MRPS23: variants seen among roughly 807,000 people sequenced by gnomAD.
MRPS23 encodes small ribosomal subunit protein mS23.
In MRPS23, 14 loss-of-function variants were observed where a neutral mutation model predicts 19.8. That is an observed-to-expected ratio of 0.71 (90% CI 0.47 to 1.11). The LOEUF is 1.11. Ranked by LOEUF, MRPS23 falls within the 50% of genes least tolerant of loss-of-function variation. The pLI is 0.00. For synonymous variants in MRPS23, 113 were observed against 89.7 expected, an observed-to-expected ratio of 1.26 and a Z score of -1.47; for missense variants, 242 against 236.7, an observed-to-expected ratio of 1.02 and a Z score of -0.15.
intron 1 of MRPS23, among the ~76,000 whole-genome samples, chr17:57,849,677 T>C (rs1436559678): frequency 6.6e-6 from 1 of 152,192 alleles, no homozygotes; most frequent in Non-Finnish European, 1.5e-5. Flanking sequence ...TTGCATGACC[T>C]GATAAGGAAG....
At chr17:57,840,031 G>T in intron 4 of MRPS23, 96 bp from the exon 5 acceptor site, 1 of 1,409,180 alleles carries the variant, frequency 7.1e-7, no homozygotes, top group Non-Finnish European at 9.8e-7. Context: ...GTCACTGAGT[G>T]AAAAATTTAG....
chr17:57,846,173 T>C (rs537034426), intron 2 of MRPS23, among the ~76,000 whole-genome samples: 15 of 138,566 alleles, frequency 1.1e-4, no homozygotes, highest in South Asian at 2.3e-4. Flanking sequence ...GGGCAGTCCC[T>C]GCTCCGCCAG....
rs367624763 is a variant in MRPS23 at position 57,839,940 on chromosome 17, A to G, written c.421-5T>C. 1.2e-5 allele frequency: 19 copies of G among 1,613,958 alleles called. No individual in the cohort carries two copies. The African/African-American group carries it at 1.9e-4, about 16-fold the overall frequency. ...AACGTGACTACCTCCGTGTTGCTTA[A>G]AAGACCAGATTTAAGTATCACAGAG... On this transcript the variant is annotated splice_region_variant and splice_polypyrimidine_tract_variant and intron_variant, in intron 4 of 4. Transcript: ENST00000313608.
At chr17:57,843,817 G>A (rs543629143) in intron 2 of MRPS23, among the ~76,000 whole-genome samples, 7 of 152,296 alleles carry the variant, frequency 4.6e-5, no homozygotes, top group Admixed American at 2.6e-4. Context: ...CTTTCTTAAT[G>A]ATTTCTAAGC....
At position 57,835,284 on chromosome 17, in the gene MRPS23, T is replaced by C. The variant is rs1219481532; in HGVS notation, c.*4499A>G. The C allele has an allele frequency of 1.3e-5, 2 of 152,170 alleles. No individual in the cohort carries two copies. The highest frequency in any genetic ancestry group is 4.8e-5 in the African/African-American group (2 of 41,428). The allele number at this position is 152,170 out of a possible 1,614,324, so 9.4% of individuals were successfully genotyped here. The stretch of plus-strand genomic sequence containing the variant: ...TAGTAGGTTGAGAATTGAAGCTCTC[T>C]CCCAGGAGAGCACCAGTTCCACGTC... On this transcript the variant is annotated 3_prime_UTR_variant, in exon 5 of 5. Coordinates refer to ENST00000313608, the MANE Select transcript of MRPS23 (RefSeq NM_016070.4).
intron 2 of MRPS23, among the ~76,000 whole-genome samples, chr17:57,847,097 C>A (rs2073781354): frequency 1.3e-5 from 2 of 150,384 alleles, no homozygotes; most frequent in East Asian, 2.0e-4. Flanking sequence ...GAGTTTGAGA[C>A]CAGCCTGACC....
rs1274425856 is a variant in MRPS23, at chr17:57,836,436, C to G, written c.*3347G>C. ...GAGCACAGACAGCATTTGAAAACGG[C>G]ACGGAAGGTTCAATTCCTACAGACC... On this transcript the variant is annotated 3_prime_UTR_variant, in exon 5 of 5. Coordinates refer to ENST00000313608, the MANE Select transcript of MRPS23 (RefSeq NM_016070.4). 1 of 152,140 alleles carries G rather than the reference C, an allele frequency of 6.6e-6. No homozygotes were observed. The highest frequency in any genetic ancestry group is 2.4e-5 in the African/African-American group (1 of 41,422). 9.4% of individuals were successfully genotyped at this position (152,140 alleles called of 1,614,324 possible).
intron 2 of MRPS23, among the ~76,000 whole-genome samples, chr17:57,841,883 G>A (rs1041346129): frequency 3.3e-5 from 5 of 152,182 alleles, no homozygotes; most frequent in Non-Finnish European, 5.9e-5. Flanking sequence ...GGAGGCAGAG[G>A]TTGCAGTAAG....
At chr17:57,849,181 C>T (rs1023076009) in intron 2 of MRPS23, 59 bp downstream of exon 2, 2 of 1,576,912 alleles carry the variant, frequency 1.3e-6, no homozygotes, top group Non-Finnish European at 1.7e-6. Flanking sequence ...AGACTGCTAC[C>T]GAAACCTTCC....
chr17:57,835,888 C>T lies in MRPS23; in HGVS notation c.*3895G>A, dbSNP rs1237552419. Reference sequence around the variant, plus strand: ...TTCAGCAAATCCGTAGGAGGGTCTGCTCCTGAAAGGCTGTTTAATGTTTCA... The same window carrying T: ...TTCAGCAAATCCGTAGGAGGGTCTGTTCCTGAAAGGCTGTTTAATGTTTCA... On this transcript the variant is annotated 3_prime_UTR_variant, in exon 5 of 5. Transcript: ENST00000313608. The T allele has an allele frequency of 1.3e-5, 2 of 151,946 alleles. No individual in the cohort carries two copies. Among genetic ancestry groups the T allele is most frequent in the Non-Finnish European group, 2.9e-5 (2 of 68,008 alleles). The allele number at this position is 151,946 out of a possible 1,614,324, so 9.4% of individuals were successfully genotyped here.
chr17:57,849,096 G>T, intron 2 of MRPS23, 144 bp downstream of exon 2: 2 of 967,222 alleles, frequency 2.1e-6, no homozygotes, highest in Non-Finnish European at 3.0e-6. Context: ...AGGAAGGGGT[G>T]CTGCCTCCCT....
intron 1 of MRPS23, chr17:57,849,737 G>A: frequency 3.2e-6 from 2 of 619,382 alleles, no homozygotes; most frequent in South Asian, 4.3e-5. Flanking sequence ...TCCACTCGGG[G>A]AGAGGCAGCT....
intron 2 of MRPS23, among the ~76,000 whole-genome samples, chr17:57,846,554 A>C (rs1285451437): frequency 6.6e-6 from 1 of 152,220 alleles, no homozygotes. Context: ...GGGAGACTCC[A>C]TTTTGTTCTG....
rs555347915 is a variant in MRPS23, at chr17:57,839,662, G to A, written c.*121C>T. 1.9e-5 allele frequency: 24 copies of A among 1,252,732 alleles called. No individual in the cohort carries two copies. The African/African-American group carries it at 3.6e-4, about 19-fold the overall frequency. The allele number at this position is 1,252,732 out of a possible 1,614,324, so 77.6% of individuals were successfully genotyped here. A position where few individuals can be genotyped will look rare whatever the true frequency, so the allele number is the denominator to read the frequency against. On this transcript the variant is annotated 3_prime_UTR_variant, in exon 5 of 5. Transcript: ENST00000313608. ...TGTGACAACCCAGAAATAACTAAGAGAAGGCAAACATAATACCTTAGAGAT... is the reference window on the plus strand; with the variant it reads ...TGTGACAACCCAGAAATAACTAAGAAAAGGCAAACATAATACCTTAGAGAT...
chr17:57,843,097 G>A lies in MRPS23; in HGVS notation c.216-1837C>T, dbSNP rs1275649957. On this transcript the variant is annotated intron_variant, in intron 2 of 4. Transcript: ENST00000313608. Reference sequence around the variant, plus strand: ...CAAGACCAGCCTGGGCAATATAGTGGGACACCATCTCTACAAAAAAAATTA... The same window carrying A: ...CAAGACCAGCCTGGGCAATATAGTGAGACACCATCTCTACAAAAAAAATTA... Among the ~76,000 whole-genome samples the A allele has an allele frequency of 4.0e-5, 6 of 151,538 alleles. No individual in the cohort carries two copies. The East Asian group carries it at 1.2e-3, about 30-fold the overall frequency.
chr17:57,849,927 G>T, intron 1 of MRPS23, 40 bp downstream of exon 1: 1 of 1,573,140 alleles, frequency 6.4e-7, no homozygotes, highest in Non-Finnish European at 8.6e-7. Flanking sequence ...CCCCAGCCTG[G>T]GGGAGGCACC....
intron 2 of MRPS23, chr17:57,849,008 A>G (rs192360985): frequency 2.5e-4 from 141 of 553,238 alleles, no homozygotes; most frequent in Admixed American, 1.7e-3. Context: ...GATGCCCAGA[A>G]ACATGCGGCT....
In MRPS23 at chr17:57,837,123, G is replaced by A. The variant is rs148523799; in HGVS notation, c.*2660C>T. 0.019 allele frequency: 2,908 copies of A among 152,244 alleles called. 46 individuals carry two copies. The highest frequency in any genetic ancestry group is 0.065 in the Middle Eastern group (19 of 294). 9.4% of individuals were successfully genotyped at this position (152,244 alleles called of 1,614,324 possible). A position where few individuals can be genotyped will look rare whatever the true frequency, so the allele number is the denominator to read the frequency against. ...AGCTTCATATCTTTCACTATGTTTTGATCACTAAGACTTAACCTAAAGAAG... is the reference window on the plus strand; with the variant it reads ...AGCTTCATATCTTTCACTATGTTTTAATCACTAAGACTTAACCTAAAGAAG... On this transcript the variant is annotated 3_prime_UTR_variant, in exon 5 of 5. Transcript: ENST00000313608.
chr17:57,849,716 T>C, intron 1 of MRPS23: 1 of 602,040 alleles, frequency 1.7e-6, no homozygotes, highest in Non-Finnish European at 2.9e-6. Context: ...CCCTTCCTCT[T>C]CCTAGAGACC....
Sources: allele counts gnomAD v4.1 joint callset (sites outside exome capture counted in the v4.1 genomes callset), GRCh38; gene constraint gnomAD v4.1.1; transcripts MANE v1.5; gene names NCBI Gene and HGNC (gene_info 2026-07-23, HGNC 2026-07-21).